Variants in PDGFD observed in about 807,000 individuals in gnomAD.
PDGFD encodes the protein platelet derived growth factor D, also known as platelet-derived growth factor D.
Under a neutral mutation model 44.7 loss-of-function variants are expected in PDGFD, and 30 were observed. That is an observed-to-expected ratio of 0.67 (90% CI 0.50 to 0.91). The LOEUF (loss-of-function observed/expected upper bound fraction) is 0.91, where lower values mean the gene tolerates loss of function less well. PDGFD is among the 40% of genes least tolerant of loss of function. PDGFD has a pLI of 0.00. For synonymous variants in PDGFD, 173 were observed against 168.4 expected (o/e 1.03, Z -0.21); for missense variants, 445 against 457.8 (o/e 0.97, Z 0.25).
At chr11:104,059,431 C>T (rs1215113667) in intron 1 of PDGFD, among the ~76,000 whole-genome samples, 1 of 152,078 alleles carries the variant, frequency 6.6e-6, no homozygotes, top group African/African-American at 2.4e-5. Context: ...TTTTGATAAA[C>T]TAAATACAAA....
At chr11:103,991,021 C>T (rs139825670) in intron 3 of PDGFD, among the ~76,000 whole-genome samples, 17 of 152,072 alleles carry the variant, frequency 1.1e-4, no homozygotes, top group African/African-American at 3.9e-4. Flanking sequence ...TGCCTGTAGT[C>T]CCAGCTACTC....
At chr11:103,971,214 A>G (rs940330580) in intron 3 of PDGFD, among the ~76,000 whole-genome samples, 1 of 152,120 alleles carries the variant, frequency 6.6e-6, no homozygotes, top group Non-Finnish European at 1.5e-5. Context: ...TGAAAATCAC[A>G]TTTGTAGTTA....
chr11:103,925,679 G>GTATA (rs367755559), intron 6 of PDGFD, among the ~76,000 whole-genome samples: 258 of 119,786 alleles, frequency 2.2e-3, no homozygotes, highest in East Asian at 4.7e-3. Flanking sequence ...GTGTGTCTGT[G>GTATA]TATATATATA....
chr11:104,164,102 G>T lies in PDGFD; in HGVS notation c.-175C>A. 1 of 541,862 alleles carries T rather than the reference G, an allele frequency of 1.8e-6. No homozygotes were observed. Among genetic ancestry groups the T allele is most frequent in the Non-Finnish European group, 3.1e-6 (1 of 324,562 alleles). The allele number at this position is 541,862 out of a possible 1,614,324, so 33.6% of individuals were successfully genotyped here. A position where few individuals can be genotyped will look rare whatever the true frequency, so the allele number is the denominator to read the frequency against. On this transcript the variant is annotated 5_prime_UTR_variant, in exon 1 of 7. Coordinates refer to ENST00000393158, the MANE Select transcript of PDGFD (RefSeq NM_025208.5). ...TTCCTGCATGCTGAACTTTCCGAGC[G>T]CGTGTGGGTGCCGCACTTCCTTGTG...
chr11:104,029,150 G>C (rs1049611006), intron 1 of PDGFD, among the ~76,000 whole-genome samples: 2 of 152,158 alleles, frequency 1.3e-5, no homozygotes, highest in African/African-American at 4.8e-5. Flanking sequence ...TCAGAATAGA[G>C]AGACAACCTG....
At position 103,907,783 on chromosome 11, in the gene PDGFD, T is replaced by A. The variant is rs1412252279; in HGVS notation, c.*1911A>T. On this transcript the variant is annotated 3_prime_UTR_variant, in exon 7 of 7. Coordinates refer to ENST00000393158, the MANE Select transcript of PDGFD (RefSeq NM_025208.5). ...TTTTCACAGGAAACTTGCAAAGCAG[T>A]TATGAAGAGGAAGAGCGTTCTTAAT... 5 of 152,320 alleles carry A rather than the reference T, an allele frequency of 3.3e-5. No individual in the cohort carries two copies. In the South Asian group the frequency reaches 8.3e-4, roughly 25 times the overall value. 9.4% of individuals were successfully genotyped at this position (152,320 alleles called of 1,614,324 possible).
At chr11:104,105,431 T>C (rs1418445201) in intron 1 of PDGFD, among the ~76,000 whole-genome samples, 1 of 152,094 alleles carries the variant, frequency 6.6e-6, no homozygotes, top group Non-Finnish European at 1.5e-5. Context: ...GGCATTAAAG[T>C]TGAGAGCAAA....
intron 3 of PDGFD, among the ~76,000 whole-genome samples, chr11:103,960,672 G>C (rs755204360): frequency 3.3e-5 from 5 of 152,048 alleles, no homozygotes; most frequent in Non-Finnish European, 5.9e-5. Context: ...CCATTATCTC[G>C]AATTATCTTG....
At chr11:104,079,037 T>C (rs925214553) in intron 1 of PDGFD, among the ~76,000 whole-genome samples, 2 of 152,212 alleles carry the variant, frequency 1.3e-5, no homozygotes, top group Admixed American at 6.5e-5. Context: ...ACTGGTTAAA[T>C]TGTTATTTTC....
At chr11:103,995,665 C>T (rs756035189) in intron 3 of PDGFD, among the ~76,000 whole-genome samples, 2 of 152,138 alleles carry the variant, frequency 1.3e-5, no homozygotes, top group Non-Finnish European at 2.9e-5. Context: ...TGTGATAGAA[C>T]TTATACACAA....
chr11:104,055,538 A>G (rs1331381572), intron 1 of PDGFD, among the ~76,000 whole-genome samples: 1 of 152,254 alleles, frequency 6.6e-6, no homozygotes, highest in East Asian at 1.9e-4. Context: ...ATCATTCTTT[A>G]GCAGTCATAG....
chr11:104,068,235 A>G (rs1565325929), intron 1 of PDGFD, among the ~76,000 whole-genome samples: 1 of 152,160 alleles, frequency 6.6e-6, no homozygotes, highest in East Asian at 1.9e-4. Flanking sequence ...GTACAGCATC[A>G]GGATTTGAAC....
At chr11:103,910,609 CAGG>C (rs1408645892) in intron 6 of PDGFD, among the ~76,000 whole-genome samples, 1 of 152,234 alleles carries the variant, frequency 6.6e-6, no homozygotes, top group Admixed American at 6.5e-5. Flanking sequence ...ACTGGCAGAC[CAGG>C]AGATTTCCCC....
At chr11:104,049,224 A>G (rs1860488352) in intron 1 of PDGFD, among the ~76,000 whole-genome samples, 2 of 152,220 alleles carry the variant, frequency 1.3e-5, no homozygotes, top group South Asian at 4.1e-4. Flanking sequence ...TAGTTTAGAC[A>G]ACAGGGTCAG....
intron 5 of PDGFD, among the ~76,000 whole-genome samples, chr11:103,930,574 C>A (rs181526316): frequency 6.6e-6 from 1 of 151,638 alleles, no homozygotes; most frequent in East Asian, 1.9e-4. Context: ...AAAACTTGTC[C>A]ACAGCCATAC....
At chr11:104,036,822 C>T in intron 1 of PDGFD, 1 of 1,611,758 alleles carries the variant, frequency 6.2e-7, no homozygotes, top group Non-Finnish European at 8.5e-7. Flanking sequence ...GGGCCCCCGC[C>T]ATGCTGATCA....
At chr11:104,154,888 T>C (rs1178124744) in intron 1 of PDGFD, among the ~76,000 whole-genome samples, 1 of 152,186 alleles carries the variant, frequency 6.6e-6, no homozygotes, top group Non-Finnish European at 1.5e-5. Context: ...AAGTCTACAA[T>C]ATTTACTATT....
chr11:104,098,507 CTTTT>C (rs34351974), intron 1 of PDGFD, among the ~76,000 whole-genome samples: 2 of 140,304 alleles, frequency 1.4e-5, no homozygotes. Context: ...TTCTGTTTCT[CTTTT>C]TTTTTTTTTT....
At chr11:104,079,211 C>G (rs2134427290) in intron 1 of PDGFD, among the ~76,000 whole-genome samples, 1 of 152,292 alleles carries the variant, frequency 6.6e-6, no homozygotes. Context: ...GAGTCTGTCA[C>G]AGTATCTTAA....
Sources: gnomAD v4.1 joint callset for allele counts (sites outside exome capture counted in the v4.1 genomes callset) on GRCh38, gnomAD v4.1.1 for gene constraint, MANE v1.5 for transcripts, NCBI Gene and HGNC (gene_info 2026-07-23, HGNC 2026-07-21) for gene names.